The following QRICH1 variants were observed in gnomAD, a reference collection of about 807,000 sequenced individuals.
QRICH1 encodes the protein glutamine rich 1.
Under a neutral mutation model 87.1 loss-of-function variants are expected in QRICH1, and 16 were observed. That is an observed-to-expected ratio of 0.18 (90% CI 0.12 to 0.28). The LOEUF (loss-of-function observed/expected upper bound fraction) is 0.28. Among genes scored for constraint, QRICH1 ranks in the 10% least tolerant of loss-of-function variants. The probability of loss-of-function intolerance (pLI) is 1.00; values close to 1 mark genes in which losing one functional copy is unlikely to be tolerated. For synonymous variants in QRICH1, 367 were observed against 368.4 expected (o/e 1.00, Z 0.05); for missense variants, 647 against 951.7 (o/e 0.68, Z 4.21).
At chr3:49,064,691 C>T (rs2093456764) in intron 2 of QRICH1, among the ~76,000 whole-genome samples, 1 of 152,014 alleles carries the variant, frequency 6.6e-6, no homozygotes, top group African/African-American at 2.4e-5. Flanking sequence ...CGGTGAAACC[C>T]CGTCTATACT....
intron 1 of QRICH1, among the ~76,000 whole-genome samples, chr3:49,087,951 C>T (rs2042201023): frequency 6.8e-6 from 1 of 146,178 alleles, no homozygotes; most frequent in African/African-American, 2.5e-5. Context: ...CATTTTATTT[C>T]ATTTATTTTT....
At chr3:49,033,997 A>C (rs2093258669) in intron 6 of QRICH1, among the ~76,000 whole-genome samples, 1 of 151,758 alleles carries the variant, frequency 6.6e-6, no homozygotes, top group South Asian at 2.1e-4. Flanking sequence ...CAAAAACAAA[A>C]AAACAAAAAA....
At chr3:49,037,984 A>G (rs1443221456) in intron 6 of QRICH1, among the ~76,000 whole-genome samples, 1 of 152,176 alleles carries the variant, frequency 6.6e-6, no homozygotes, top group Non-Finnish European at 1.5e-5. Context: ...CAATTTCAAT[A>G]TGTAGACTTA....
At chr3:49,079,577 C>CA (rs2042019847) in intron 1 of QRICH1, among the ~76,000 whole-genome samples, 1 of 151,130 alleles carries the variant, frequency 6.6e-6, no homozygotes, top group Admixed American at 6.6e-5. Flanking sequence ...ATGTCCACAT[C>CA]ACACATAAAG....
At chr3:49,091,738 T>TA (rs948204874) in intron 1 of QRICH1, among the ~76,000 whole-genome samples, 3 of 152,244 alleles carry the variant, frequency 2.0e-5, no homozygotes, top group African/African-American at 7.2e-5. Flanking sequence ...GCTTAATAGT[T>TA]AAAAATAAAG....
At chr3:49,035,236 A>T (rs780370532) in intron 6 of QRICH1, among the ~76,000 whole-genome samples, 2 of 151,714 alleles carry the variant, frequency 1.3e-5, no homozygotes, top group South Asian at 4.2e-4. Context: ...ACACTCGATT[A>T]TTTTTTTTGA....
At chr3:49,074,314 T>A (rs1391303973) in intron 2 of QRICH1, among the ~76,000 whole-genome samples, 3 of 151,920 alleles carry the variant, frequency 2.0e-5, no homozygotes, top group African/African-American at 7.2e-5. Context: ...GGCTCACACC[T>A]GTAATCCCAG....
intron 1 of QRICH1, among the ~76,000 whole-genome samples, chr3:49,081,783 G>A (rs1444967558): frequency 2.0e-5 from 3 of 151,670 alleles, no homozygotes; most frequent in Non-Finnish European, 2.9e-5. Flanking sequence ...TTACAGGCGT[G>A]AGCCACCATG....
chr3:49,057,831 G>T lies in QRICH1; in HGVS notation c.369C>A (p.Leu123=), dbSNP rs769331630. ...QQVSAQLSPQ[L]TVHQPTEQPI... Reference sequence around the variant, plus strand: ...GTTGCTCAGTAGGCTGGTGAACGGTGAGTTGTGGGGAGAGCTGAGCCGAGA... The same window carrying T: ...GTTGCTCAGTAGGCTGGTGAACGGTTAGTTGTGGGGAGAGCTGAGCCGAGA... The change falls in exon 3 of 10, where the codon CTC becomes CTA. Residue 123 remains leucine (L), a synonymous_variant. Transcript: ENST00000395443. This position sits in a 1 kb window ranked among gnomAD's most constrained non-coding sequence, Gnocchi z 5.4. 3.7e-6 allele frequency: 6 copies of T among 1,613,962 alleles called. No individual in the cohort carries two copies. The African/African-American group carries it at 4.0e-5, about 11-fold the overall frequency.
At position 49,048,558 on chromosome 3, in the gene QRICH1, G is replaced by A. The variant is rs552759055; in HGVS notation, c.1339-1312C>T. 2.0e-5 allele frequency among the ~76,000 whole-genome samples: 3 copies of A among 151,338 alleles called. No homozygotes were observed. In the East Asian group the frequency reaches 5.9e-4, roughly 30 times the overall value. ...AGTCCCAGCACTTTGGGAGGCCGAG[G>A]TGGGTGGATCACGAGGTCAAGAGAC... On this transcript the variant is annotated intron_variant, in intron 3 of 9. Coordinates refer to ENST00000395443, the MANE Select transcript of QRICH1 (RefSeq NM_198880.3).
chr3:49,053,433 C>T (rs929800263), intron 3 of QRICH1, among the ~76,000 whole-genome samples: 10 of 141,604 alleles, frequency 7.1e-5, no homozygotes, highest in Admixed American at 7.7e-5. Flanking sequence ...TGCAGTGAGC[C>T]GAGATCGCAC....
At position 49,030,659 on chromosome 3, in the gene QRICH1, G is replaced by A; in HGVS notation, c.2139-15C>T. 1 of 1,533,296 alleles carries A rather than the reference G, an allele frequency of 6.5e-7. No homozygotes were observed. Among genetic ancestry groups the A allele is most frequent in the Non-Finnish European group, 8.8e-7 (1 of 1,136,070 alleles). 95.0% of individuals were successfully genotyped at this position (1,533,296 alleles called of 1,614,324 possible). A position where few individuals can be genotyped will look rare whatever the true frequency, so the allele number is the denominator to read the frequency against. On this transcript the variant is annotated splice_polypyrimidine_tract_variant and intron_variant, in intron 9 of 9. Coordinates refer to ENST00000395443, the MANE Select transcript of QRICH1 (RefSeq NM_198880.3). ...CACTCTGGGGGCTGAAGAATATGCG[G>A]ATAAAAGTTGGGTACCACCAATATA...
At position 49,076,909 on chromosome 3, in the gene QRICH1, T is replaced by C; in HGVS notation, c.109A>G (p.Lys37Glu). Reference sequence around the variant, plus strand: ...AACTCCTGAAGGGCTTCTGGCCCCTTAGAGGCCAGTGAGTCCAGAAATTCC... The same window carrying C: ...AACTCCTGAAGGGCTTCTGGCCCCTCAGAGGCCAGTGAGTCCAGAAATTCC... The part of the protein sequence containing the change: ...MKEFLDSLAS[K>E]GPEALQEFQQ... The change falls in exon 2 of 10, where the codon AAG (lysine) becomes GAG (glutamate). Residue 37 changes from lysine (K) to glutamate (E), a missense_variant. Lys to Glu is a moderately conservative substitution (Grantham distance 56). Transcript: ENST00000395443. 1 of 1,613,756 alleles carries C rather than the reference T, an allele frequency of 6.2e-7. No individual in the cohort carries two copies. The highest frequency in any genetic ancestry group is 2.2e-5 in the East Asian group (1 of 44,872).
In QRICH1 at chr3:49,047,187, T is replaced by C. The variant is rs924757796; in HGVS notation, c.1398A>G (p.Glu466=). 6.2e-7 allele frequency: 1 copy of C among 1,614,132 alleles called. No individual in the cohort carries two copies. Among genetic ancestry groups the C allele is most frequent in the African/African-American group, 1.3e-5 (1 of 75,044 alleles). ...GCTTCAAAGAATTTGGAAGCAGAAG[T>C]TCTGGGGAAGGCTGTGGCTGTGACT... ...EPQSQPQPSP[E]LLLPNSLKPE... Residue 466 remains glutamate (E), a synonymous_variant, in exon 4 of 10, where the codon GAA becomes GAG. Transcript: ENST00000395443.
intron 2 of QRICH1, among the ~76,000 whole-genome samples, chr3:49,071,702 T>C (rs1489638035): frequency 6.6e-6 from 1 of 152,194 alleles, no homozygotes; most frequent in Non-Finnish European, 1.5e-5. Context: ...TCTTTTCTCT[T>C]TTTTTGAGAC....
chr3:49,045,515 C>T (rs2093334210), intron 5 of QRICH1, among the ~76,000 whole-genome samples: 1 of 152,312 alleles, frequency 6.6e-6, no homozygotes, highest in African/African-American at 2.4e-5. Context: ...AATGCAGCCT[C>T]GCACTCCTGA....
chr3:49,035,111 C>G (rs2093266935), intron 6 of QRICH1, among the ~76,000 whole-genome samples: 1 of 152,168 alleles, frequency 6.6e-6, no homozygotes, highest in African/African-American at 2.4e-5. Context: ...TTAGACATAT[C>G]TGAAGCCCCC....
chr3:49,033,970 G>C (rs887779144), intron 6 of QRICH1: 14 of 115,342 alleles, frequency 1.2e-4, no homozygotes, highest in Non-Finnish European at 3.8e-5. Context: ...CTCGGCAACA[G>C]AGCGAGACTC....
chr3:49,072,625 G>T (rs999127029), intron 2 of QRICH1, among the ~76,000 whole-genome samples: 2 of 152,112 alleles, frequency 1.3e-5, no homozygotes, highest in African/African-American at 4.8e-5. Flanking sequence ...GAACAAACTG[G>T]AGGTAAAGAT....
Sources: gnomAD v4.1 joint callset for allele counts (sites outside exome capture counted in the v4.1 genomes callset) on GRCh38, gnomAD v4.1.1 for gene constraint, Gnocchi (gnomAD v3.1) non-coding constraint, MANE v1.5 for transcripts, NCBI Gene and HGNC (gene_info 2026-07-23, HGNC 2026-07-21) for gene names.